Variants in DLGAP4 observed in about 807,000 individuals in gnomAD.
DLGAP4 encodes DLG associated protein 4.
A neutral mutation model predicts 86.9 loss-of-function variants in DLGAP4; 18 were observed. The observed-to-expected ratio is 0.21, with a 90% confidence interval of 0.14 to 0.31. The LOEUF is 0.31. DLGAP4 is among the 10% of genes least tolerant of loss of function. The pLI is 1.00. For synonymous variants in DLGAP4, 548 were observed against 574.3 expected (o/e 0.95, Z 0.65); for missense variants, 1,085 against 1,362.6 (o/e 0.80, Z 3.21).
chr20:36,332,174 C>T (rs1600405540), intron 1 of DLGAP4, among the ~76,000 whole-genome samples: 2 of 152,086 alleles, frequency 1.3e-5, no homozygotes, highest in East Asian at 3.9e-4. Flanking sequence ...GTCATCTGGA[C>T]GGGATGGAGA....
chr20:36,522,796 G>A (rs2037458735), intron 10 of DLGAP4, among the ~76,000 whole-genome samples: 1 of 152,072 alleles, frequency 6.6e-6, no homozygotes, highest in Admixed American at 6.6e-5. Context: ...TACTTTGTTT[G>A]CTTTTCAGTG....
chr20:36,384,072 A>G (rs1454885664), intron 2 of DLGAP4, among the ~76,000 whole-genome samples: 2 of 20,014 alleles, frequency 1.0e-4, no homozygotes, highest in Admixed American at 7.4e-4. Context: ...AACTAGCTAG[A>G]AAAAAAAAGA....
intron 7 of DLGAP4, among the ~76,000 whole-genome samples, chr20:36,481,367 G>T (rs2035179591): frequency 6.6e-6 from 1 of 152,148 alleles, no homozygotes; most frequent in African/African-American, 2.4e-5. Context: ...GAGGACAGTA[G>T]CCATGCCCTT....
At chr20:36,513,283 T>G (rs1015543268) in intron 10 of DLGAP4, among the ~76,000 whole-genome samples, 1 of 150,732 alleles carries the variant, frequency 6.6e-6, no homozygotes, top group Non-Finnish European at 1.5e-5. Flanking sequence ...GCGCGGTGGC[T>G]CACGCCTGTA....
At chr20:36,415,154 T>C (rs2032616437) in intron 2 of DLGAP4, among the ~76,000 whole-genome samples, 1 of 152,164 alleles carries the variant, frequency 6.6e-6, no homozygotes, top group Non-Finnish European at 1.5e-5. Context: ...TAATCCCAGC[T>C]ACTCAGGAGG....
intron 7 of DLGAP4, among the ~76,000 whole-genome samples, chr20:36,495,501 A>C (rs2035850173): frequency 6.6e-6 from 1 of 152,222 alleles, no homozygotes; most frequent in African/African-American, 2.4e-5. Flanking sequence ...TGAGAAAGGC[A>C]CTAGATCCAA....
At chr20:36,441,662 A>G (rs2033450842) in intron 5 of DLGAP4, among the ~76,000 whole-genome samples, 1 of 152,140 alleles carries the variant, frequency 6.6e-6, no homozygotes, top group African/African-American at 2.4e-5. Flanking sequence ...AATGGACGGC[A>G]TCCCTCCCTG....
intron 1 of DLGAP4, among the ~76,000 whole-genome samples, chr20:36,312,213 A>C (rs1400552436): frequency 6.6e-6 from 1 of 152,178 alleles, no homozygotes; most frequent in Non-Finnish European, 1.5e-5. Flanking sequence ...CTCATCTCTC[A>C]GGCTTCTCAC....
intron 2 of DLGAP4, among the ~76,000 whole-genome samples, chr20:36,406,200 C>T (rs2032314209): frequency 6.6e-6 from 1 of 152,128 alleles, no homozygotes; most frequent in East Asian, 1.9e-4. Flanking sequence ...AGATCAAGAC[C>T]ATCCTGGCTA....
At chr20:36,311,716 A>C (rs1476247220) in intron 1 of DLGAP4, among the ~76,000 whole-genome samples, 1 of 152,128 alleles carries the variant, frequency 6.6e-6, no homozygotes, top group Non-Finnish European at 1.5e-5. Context: ...CATTTTATGG[A>C]AGAGGAAACT....
intron 10 of DLGAP4, among the ~76,000 whole-genome samples, chr20:36,523,497 C>G (rs2037509428): frequency 6.6e-6 from 1 of 152,158 alleles, no homozygotes; most frequent in African/African-American, 2.4e-5. Context: ...TTCTTAAAAC[C>G]AGTTGCATCA....
chr20:36,489,248 G>A (rs2035554984), intron 7 of DLGAP4, among the ~76,000 whole-genome samples: 1 of 152,208 alleles, frequency 6.6e-6, no homozygotes, highest in South Asian at 2.1e-4. Flanking sequence ...ATTCAAGTGA[G>A]TAGGTGATTT....
At chr20:36,495,066 C>T (rs2035831922) in intron 7 of DLGAP4, among the ~76,000 whole-genome samples, 1 of 127,826 alleles carries the variant, frequency 7.8e-6, no homozygotes, top group Non-Finnish European at 1.6e-5. Context: ...AATCTTGGCT[C>T]ACTGCAACCT....
At chr20:36,408,876 T>C (rs1013225132) in intron 2 of DLGAP4, among the ~76,000 whole-genome samples, 4 of 152,222 alleles carry the variant, frequency 2.6e-5, no homozygotes, top group African/African-American at 9.6e-5. Flanking sequence ...AAATAAAGTC[T>C]GGAGTTTAGT....
chr20:36,384,666 A>G (rs2031530861), intron 2 of DLGAP4, among the ~76,000 whole-genome samples: 1 of 152,222 alleles, frequency 6.6e-6, no homozygotes, highest in Admixed American at 6.5e-5. Flanking sequence ...TGGTGGCATT[A>G]GTCTTACACA....
At chr20:36,506,163 T>C (rs1158772358) in intron 10 of DLGAP4, among the ~76,000 whole-genome samples, 1 of 152,204 alleles carries the variant, frequency 6.6e-6, no homozygotes, top group African/African-American at 2.4e-5. Flanking sequence ...TAGTAGCTGC[T>C]GTATTGAGCA....
chr20:36,463,498 C>A (rs1268198910), intron 7 of DLGAP4, among the ~76,000 whole-genome samples: 1 of 152,190 alleles, frequency 6.6e-6, no homozygotes, highest in Non-Finnish European at 1.5e-5. Flanking sequence ...CTCCCCACTA[C>A]CTGGTTATTC....
intron 2 of DLGAP4, among the ~76,000 whole-genome samples, chr20:36,379,410 G>C (rs965175310): frequency 6.6e-6 from 1 of 152,210 alleles, no homozygotes; most frequent in Admixed American, 6.5e-5. Flanking sequence ...GGAGCAGTTG[G>C]GGGGAATTCT....
intron 1 of DLGAP4, among the ~76,000 whole-genome samples, chr20:36,336,809 C>A (rs1486705023): frequency 6.6e-6 from 1 of 152,164 alleles, no homozygotes; most frequent in Non-Finnish European, 1.5e-5. Context: ...CCAGAGTGGG[C>A]GTCAGTCCAG....
Sources: allele counts gnomAD v4.1 joint callset (sites outside exome capture counted in the v4.1 genomes callset), GRCh38; gene constraint gnomAD v4.1.1; transcripts MANE v1.5; gene names NCBI Gene and HGNC (gene_info 2026-07-23, HGNC 2026-07-21).